Variants in SFSWAP observed in about 807,000 individuals in gnomAD.
SFSWAP encodes splicing factor SWAP, also known as splicing factor, suppressor of white-apricot homolog.
In SFSWAP, 17 loss-of-function variants were observed where a neutral mutation model predicts 100.7. That is an observed-to-expected ratio of 0.17 (90% confidence interval 0.12 to 0.25). The LOEUF is 0.25. Ranked by LOEUF, SFSWAP falls within the 10% of genes least tolerant of loss-of-function variation. The probability of loss-of-function intolerance (pLI) is 1.00; values close to 1 mark genes in which losing one functional copy is unlikely to be tolerated. For missense variants in SFSWAP, 1,005 were observed against 1,262.6 expected (o/e 0.80, Z 3.09); for synonymous variants, 504 against 510.1 (o/e 0.99, Z 0.16).
At chr12:131,775,418 G>A (rs1883941710) in intron 13 of SFSWAP, among the ~76,000 whole-genome samples, 1 of 152,184 alleles carries the variant, frequency 6.6e-6, no homozygotes, top group Admixed American at 6.5e-5. Context: ...CAGCCCCTGG[G>A]CCGGCTTGCT....
chr12:131,743,822 T>C (rs1384580037), intron 7 of SFSWAP, among the ~76,000 whole-genome samples: 1 of 152,252 alleles, frequency 6.6e-6, no homozygotes, highest in African/African-American at 2.4e-5. Flanking sequence ...AACTTCTGCC[T>C]GGGCATCCAG....
chr12:131,798,753 G>A (rs931004224), intron 16 of SFSWAP, among the ~76,000 whole-genome samples: 1 of 152,138 alleles, frequency 6.6e-6, no homozygotes, highest in Non-Finnish European at 1.5e-5. Context: ...AGCCGGGCAT[G>A]GTGGCACACG....
chr12:131,756,819 C>G, intron 11 of SFSWAP, 175 bp downstream of exon 11: 1 of 596,012 alleles, frequency 1.7e-6, no homozygotes, highest in South Asian at 2.1e-5. Flanking sequence ...GCTTGCCTCG[C>G]GTGGCATTGG....
chr12:131,753,208 G>C lies in SFSWAP; in HGVS notation c.1167G>C (p.Val389=). 2 of 1,614,166 alleles carry C rather than the reference G, an allele frequency of 1.2e-6. No homozygotes were observed. Among genetic ancestry groups the C allele is most frequent in the Non-Finnish European group, 1.7e-6 (2 of 1,180,020 alleles). The change falls in exon 8 of 18, where the codon GTG becomes GTC. Residue 389 remains valine (V), a synonymous_variant. Coordinates refer to ENST00000261674, the MANE Select transcript of SFSWAP (RefSeq NM_004592.4). ...CLAPPPPGID[V]TTYYSTLPAG... is the part of the protein sequence containing the mutation. ...CGCCGCCCCCTCCCGGAATCGACGT[G>C]ACTACTTACTACAGCACCCTTCCTG...
At chr12:131,728,174 C>T in intron 6 of SFSWAP, 119 bp from the exon 7 acceptor site, 1 of 1,126,252 alleles carries the variant, frequency 8.9e-7, no homozygotes, top group Non-Finnish European at 1.3e-6. Context: ...TGGGTGCGTG[C>T]ATGTGTGTGT....
chr12:131,754,356 C>G lies in SFSWAP; in HGVS notation c.1323-12C>G. ...CTGAAGCCCAGGGGTCTCACAGACT[C>G]TTCTCCTGCAGTGCACTTGCCCCCG... On this transcript the variant is annotated splice_polypyrimidine_tract_variant and intron_variant, in intron 8 of 17. Coordinates refer to ENST00000261674, the MANE Select transcript of SFSWAP (RefSeq NM_004592.4). 2 of 1,535,850 alleles carry G rather than the reference C, an allele frequency of 1.3e-6. No individual in the cohort carries two copies. Among genetic ancestry groups the G allele is most frequent in the Non-Finnish European group, 1.8e-6 (2 of 1,142,766 alleles).
At chr12:131,780,059 T>A (rs1436647927) in intron 14 of SFSWAP, among the ~76,000 whole-genome samples, 1 of 152,224 alleles carries the variant, frequency 6.6e-6, no homozygotes, top group Non-Finnish European at 1.5e-5. Context: ...GTGCTGGGGT[T>A]ACAGGCGTGA....
chr12:131,748,596 T>G (rs1475380000), intron 7 of SFSWAP, among the ~76,000 whole-genome samples: 2 of 152,218 alleles, frequency 1.3e-5, no homozygotes, highest in Non-Finnish European at 2.9e-5. Flanking sequence ...CACACGAGAT[T>G]AAGATCATGC....
chr12:131,791,668 C>T (rs1236345421), intron 15 of SFSWAP, among the ~76,000 whole-genome samples: 1 of 152,312 alleles, frequency 6.6e-6, no homozygotes, highest in Non-Finnish European at 1.5e-5. Flanking sequence ...AGGAGAATAA[C>T]TTGAACTCGG....
intron 13 of SFSWAP, among the ~76,000 whole-genome samples, chr12:131,776,315 C>A (rs1475540079): frequency 6.6e-6 from 1 of 152,162 alleles, no homozygotes; most frequent in Non-Finnish European, 1.5e-5. Flanking sequence ...CATCCCTGCC[C>A]TCTTGCCCGC....
rs1323327979 is a variant in SFSWAP, at chr12:131,786,563, G to A, written c.2509G>A (p.Ala837Thr). The A allele has an allele frequency of 1.9e-6, 3 of 1,589,986 alleles. No homozygotes were observed. Among genetic ancestry groups the A allele is most frequent in the Non-Finnish European group, 2.6e-6 (3 of 1,169,340 alleles). The change falls in exon 15 of 18, where the codon GCC becomes ACC. Residue 837 changes from alanine (A) to threonine (T), a missense_variant. Ala to Thr is a moderately conservative substitution (Grantham distance 58). Transcript: ENST00000261674. ...CTACCGCGTGAGCCGCAGCCCTGGG[G>A]CCAGTAGGAAGCGGACCCGCTCCAG... is the stretch of plus-strand genomic sequence containing the variant. ...TAYRVSRSPG[A>T]SRKRTRSRSP...
At chr12:131,780,294 A>G (rs1365629729) in intron 14 of SFSWAP, among the ~76,000 whole-genome samples, 2 of 152,186 alleles carry the variant, frequency 1.3e-5, no homozygotes, top group Admixed American at 1.3e-4. Context: ...CAGTTTTGCT[A>G]ATATATCTTC....
intron 3 of SFSWAP, among the ~76,000 whole-genome samples, chr12:131,716,203 AC>A (rs1464845402): frequency 1.3e-5 from 2 of 152,196 alleles, no homozygotes; most frequent in Non-Finnish European, 2.9e-5. Flanking sequence ...CCTGCTCCTT[AC>A]TTTGTGGGCA....
chr12:131,786,396 A>G (rs959372615), intron 14 of SFSWAP, 67 bp from the exon 15 acceptor site: 6 of 1,512,950 alleles, frequency 4.0e-6, no homozygotes, highest in African/African-American at 1.4e-5. Context: ...CTGCCAGGGC[A>G]GTAGGAAGCA....
At chr12:131,775,621 A>T in intron 13 of SFSWAP, among the ~76,000 whole-genome samples, 1 of 152,188 alleles carries the variant, frequency 6.6e-6, no homozygotes, top group East Asian at 1.9e-4. Context: ...CATAGCTAGG[A>T]TGTTGAGCCT....
intron 13 of SFSWAP, among the ~76,000 whole-genome samples, chr12:131,774,081 G>A (rs1302717632): frequency 6.6e-6 from 1 of 152,208 alleles, no homozygotes; most frequent in East Asian, 1.9e-4. Context: ...ACGAGAGACC[G>A]ACAGGATGAG....
At chr12:131,712,309 A>T (rs1232968713) in intron 1 of SFSWAP, 1 of 152,346 alleles carries the variant, frequency 6.6e-6, no homozygotes, top group East Asian at 1.9e-4. Context: ...TTTGAAAAGG[A>T]TAACATTACA....
At chr12:131,724,981 C>T (rs1285320917) in intron 4 of SFSWAP, among the ~76,000 whole-genome samples, 2 of 152,128 alleles carry the variant, frequency 1.3e-5, no homozygotes, top group African/African-American at 4.8e-5. Flanking sequence ...ACCTAGTCCC[C>T]GCTAAGAAGA....
Position 131,794,586 on chromosome 12 carries a change from CG to C in SFSWAP, c.2535-2591del, listed in dbSNP as rs1156667005. Among the ~76,000 whole-genome samples the C allele has an allele frequency of 6.6e-6, 1 of 152,080 alleles. No individual in the cohort carries two copies. Among genetic ancestry groups the C allele is most frequent in the Non-Finnish European group, 1.5e-5 (1 of 68,020 alleles). ...AACCAACAAACAAACACAGACATAG[CG>C]TGGGGTTTGTCTACATAGAGCTTTA... is the stretch of plus-strand genomic sequence containing the variant. On this transcript the variant is annotated intron_variant, in intron 15 of 17. Transcript: ENST00000261674. The surrounding 1 kb of genome is among the most constrained non-coding windows in gnomAD (Gnocchi z 4.8).
Sources: gnomAD v4.1 joint callset for allele counts (sites outside exome capture counted in the v4.1 genomes callset) on GRCh38, gnomAD v4.1.1 for gene constraint, Gnocchi (gnomAD v3.1) non-coding constraint, MANE v1.5 for transcripts, NCBI Gene and HGNC (gene_info 2026-07-23, HGNC 2026-07-21) for gene names.